The following CALD1 variants were observed in gnomAD, a reference collection of about 807,000 sequenced individuals.
CALD1 encodes caldesmon.
CALD1 carries 33 observed loss-of-function variants against 99.9 expected under a neutral mutation model. That is an observed-to-expected ratio of 0.33 (90% confidence interval 0.25 to 0.44). CALD1 has a LOEUF of 0.44. Ranked by LOEUF, CALD1 falls within the 20% of genes least tolerant of loss-of-function variation. The pLI, the probability that CALD1 is intolerant of heterozygous loss-of-function variation, is 1.00. For synonymous variants in CALD1, 310 were observed against 325.0 expected (o/e 0.95, Z 0.50); for missense variants, 861 against 962.1 (o/e 0.89, Z 1.39).
chr7:134,820,733 T>C (rs995495804), intron 1 of CALD1, among the ~76,000 whole-genome samples: 52 of 152,190 alleles, frequency 3.4e-4, no homozygotes, highest in African/African-American at 1.2e-3. Context: ...AAAATCTATG[T>C]GATACTCTGA....
intron 3 of CALD1, among the ~76,000 whole-genome samples, chr7:134,913,555 T>TATAAATGTATATGCATAC (rs1398145818): frequency 2.0e-5 from 3 of 152,262 alleles, no homozygotes; most frequent in African/African-American, 7.2e-5. Context: ...TACATATACG[T>TATAAATGTATATGCATAC]ATAAATGTAT....
chr7:134,757,267 T>C (rs567716111), intron 1 of CALD1, among the ~76,000 whole-genome samples: 9 of 152,198 alleles, frequency 5.9e-5, no homozygotes, highest in Non-Finnish European at 1.3e-4. Flanking sequence ...ACAGCCTACG[T>C]AGACTAGAAT....
chr7:134,740,394 A>G (rs977824437), upstream of CALD1, among the ~76,000 whole-genome samples: 1 of 152,218 alleles, frequency 6.6e-6, no homozygotes, highest in Non-Finnish European at 1.5e-5. Context: ...ACAAAATGTA[A>G]TAAGGATAAA....
chr7:134,825,333 G>T (rs957585145), intron 1 of CALD1, among the ~76,000 whole-genome samples: 1 of 152,180 alleles, frequency 6.6e-6, no homozygotes, highest in African/African-American at 2.4e-5. Context: ...GAGTTGTTAA[G>T]AGAATGTAAT....
At chr7:134,954,285 T>A (rs182441346) in intron 9 of CALD1, among the ~76,000 whole-genome samples, 3 of 152,354 alleles carry the variant, frequency 2.0e-5, no homozygotes, top group Admixed American at 6.5e-5. Flanking sequence ...AAAGATTTTT[T>A]AATTTCTATT....
intron 1 of CALD1, among the ~76,000 whole-genome samples, chr7:134,797,478 T>C (rs117401208): frequency 6.6e-6 from 1 of 152,354 alleles, no homozygotes; most frequent in East Asian, 1.9e-4. Context: ...TAGCAGAATA[T>C]ATTAAAGTGT....
chr7:134,912,347 C>A (rs563661735), intron 3 of CALD1, among the ~76,000 whole-genome samples: 3 of 152,132 alleles, frequency 2.0e-5, no homozygotes, highest in East Asian at 1.9e-4. Flanking sequence ...CAGTGGTAAA[C>A]CTTATCTAGT....
intron 1 of CALD1, among the ~76,000 whole-genome samples, chr7:134,805,198 T>G (rs1450825098): frequency 6.6e-6 from 1 of 152,212 alleles, no homozygotes; most frequent in Non-Finnish European, 1.5e-5. Context: ...ATTTTGGTGA[T>G]AATTTCCTTC....
intron 1 of CALD1, among the ~76,000 whole-genome samples, chr7:134,823,607 T>C (rs1450762901): frequency 1.3e-5 from 2 of 152,190 alleles, no homozygotes; most frequent in African/African-American, 4.8e-5. Flanking sequence ...AGATGTCTCC[T>C]ACCAAACCAA....
intron 1 of CALD1, among the ~76,000 whole-genome samples, 161 bp downstream of exon 1, chr7:134,779,910 G>A (rs1797039194): frequency 6.6e-6 from 1 of 152,132 alleles, no homozygotes; most frequent in Admixed American, 6.6e-5. Flanking sequence ...ACTGCCATAC[G>A]GATATTCCCG....
At chr7:134,931,752 T>C (rs996669364) in intron 4 of CALD1, among the ~76,000 whole-genome samples, 1 of 152,170 alleles carries the variant, frequency 6.6e-6, no homozygotes, top group Admixed American at 6.5e-5. Flanking sequence ...TGGACAACAG[T>C]TTAACTTTTG....
chr7:134,874,501 C>A (rs1360158243), intron 3 of CALD1, among the ~76,000 whole-genome samples: 2 of 152,308 alleles, frequency 1.3e-5, no homozygotes, highest in East Asian at 3.9e-4. Context: ...AGCAGTGATG[C>A]TTTTATCCAT....
intron 2 of CALD1, among the ~76,000 whole-genome samples, chr7:134,860,105 C>G (rs2132274282): frequency 6.6e-6 from 1 of 152,216 alleles, no homozygotes; most frequent in African/African-American, 2.4e-5. Context: ...AGACAAAGTG[C>G]CTCAGGTTGA....
intron 1 of CALD1, among the ~76,000 whole-genome samples, chr7:134,818,200 T>G (rs1057380387): frequency 2.6e-5 from 4 of 152,180 alleles, no homozygotes; most frequent in Admixed American, 2.6e-4. Context: ...AAGCTTCATA[T>G]TCTATGAGTA....
chr7:134,966,272 CCCACTT>C (rs1808675593), intron 14 of CALD1, among the ~76,000 whole-genome samples: 2 of 152,208 alleles, frequency 1.3e-5, no homozygotes. Context: ...CCTTCCCTTT[CCCACTT>C]TCTCATGCTC....
Position 134,867,680 on chromosome 7 carries a change from T to G in CALD1, c.-41-13T>G. 9.5e-7 allele frequency: 1 copy of G among 1,051,098 alleles called. No homozygotes were observed. Among genetic ancestry groups the G allele is most frequent in the African/African-American group, 1.6e-5 (1 of 63,568 alleles). The allele number at this position is 1,051,098 out of a possible 1,614,324, so 65.1% of individuals were successfully genotyped here. On this transcript the variant is annotated splice_polypyrimidine_tract_variant and intron_variant, in intron 2 of 14. Transcript: ENST00000361675. ...AGTTATCAATGATATTGACTCTACCTCCTCTCTTTCAGGTCCAGACATCAT... is the reference window on the plus strand; with the variant it reads ...AGTTATCAATGATATTGACTCTACCGCCTCTCTTTCAGGTCCAGACATCAT...
chr7:134,956,476 C>T (rs375416621), intron 9 of CALD1, among the ~76,000 whole-genome samples: 2 of 152,184 alleles, frequency 1.3e-5, no homozygotes, highest in East Asian at 3.9e-4. Context: ...GACACAGAAC[C>T]TTATTTGCTC....
At chr7:134,759,936 A>T (rs901070459) in intron 1 of CALD1, among the ~76,000 whole-genome samples, 10 of 152,244 alleles carry the variant, frequency 6.6e-5, no homozygotes, top group Admixed American at 6.5e-4. Context: ...TCTCATTCTC[A>T]TTCTCTTTTC....
intron 3 of CALD1, among the ~76,000 whole-genome samples, chr7:134,916,976 T>C (rs1804255341): frequency 6.6e-6 from 1 of 152,200 alleles, no homozygotes; most frequent in African/African-American, 2.4e-5. Context: ...ATAATGTGCT[T>C]GTTTATATAC....
Sources: allele counts gnomAD v4.1 joint callset (sites outside exome capture counted in the v4.1 genomes callset), GRCh38; gene constraint gnomAD v4.1.1; transcripts MANE v1.5; gene names NCBI Gene and HGNC (gene_info 2026-07-23, HGNC 2026-07-21).